Variants in PRKCE observed in about 807,000 individuals in gnomAD.
The protein encoded by PRKCE is protein kinase C epsilon type.
Under a neutral mutation model 85.4 loss-of-function variants are expected in PRKCE, and 16 were observed. That is an observed-to-expected ratio of 0.19 (90% CI 0.13 to 0.28). The LOEUF (loss-of-function observed/expected upper bound fraction) is 0.28, where lower values mean the gene tolerates loss of function less well. PRKCE is among the 10% of genes least tolerant of loss of function. PRKCE has a pLI of 1.00. For missense variants in PRKCE, 573 were observed against 975.2 expected (o/e 0.59, Z 5.49); for synonymous variants, 388 against 371.5 (o/e 1.04, Z -0.51).
intron 2 of PRKCE, among the ~76,000 whole-genome samples, chr2:45,940,308 G>A (rs1159206092): frequency 6.6e-6 from 1 of 152,188 alleles, no homozygotes; most frequent in Non-Finnish European, 1.5e-5. Flanking sequence ...AGTGCCCAGA[G>A]TAGGCAAGAT....
intron 2 of PRKCE, among the ~76,000 whole-genome samples, chr2:45,960,086 A>C (rs556156065): frequency 6.6e-6 from 1 of 152,316 alleles, no homozygotes; most frequent in Admixed American, 6.5e-5. Context: ...AAAAATCTTT[A>C]GACCACCTGT....
Position 46,138,781 on chromosome 2 carries a change from G to A in PRKCE, c.1593-6312G>A, listed in dbSNP as rs12992366. Among the ~76,000 whole-genome samples the A allele has an allele frequency of 0.052, 7,946 of 152,232 alleles. 278 individuals are homozygous for A. The highest frequency in any genetic ancestry group is 0.11 in the Middle Eastern group (33 of 294). ...CATAACATCTCATAGCATCTAATGC[G>A]TAGAGACCAGGGTGCTAGTAAACAT... On this transcript the variant is annotated intron_variant, in intron 11 of 14. Coordinates refer to ENST00000306156, the MANE Select transcript of PRKCE (RefSeq NM_005400.3). This position sits in a 1 kb window ranked among gnomAD's most constrained non-coding sequence, Gnocchi z 4.2.
At chr2:46,038,069 G>A (rs1227919946) in intron 10 of PRKCE, among the ~76,000 whole-genome samples, 1 of 152,192 alleles carries the variant, frequency 6.6e-6, no homozygotes, top group Non-Finnish European at 1.5e-5. Context: ...GTCCTGTCTT[G>A]CATCTGCTGA....
chr2:46,039,286 C>T (rs1558382670), intron 10 of PRKCE, among the ~76,000 whole-genome samples: 1 of 152,170 alleles, frequency 6.6e-6, no homozygotes, highest in Non-Finnish European at 1.5e-5. Context: ...TGCTTCCCAC[C>T]CAGTTTCTCT....
intron 1 of PRKCE, among the ~76,000 whole-genome samples, chr2:45,758,280 A>G (rs1441396721): frequency 2.0e-5 from 3 of 152,250 alleles, no homozygotes; most frequent in Admixed American, 6.5e-5. Context: ...CATTAAATGA[A>G]TTACTGCATG....
At chr2:45,808,642 G>T (rs1688431303) in intron 1 of PRKCE, among the ~76,000 whole-genome samples, 2 of 152,178 alleles carry the variant, frequency 1.3e-5, no homozygotes, top group African/African-American at 4.8e-5. Flanking sequence ...ACTGGGTTGG[G>T]TGGTGGGAGG....
intron 2 of PRKCE, among the ~76,000 whole-genome samples, chr2:45,933,420 A>T (rs190004440): frequency 1.5e-5 from 2 of 135,446 alleles, no homozygotes; most frequent in Non-Finnish European, 3.1e-5. Context: ...TTCACCTATG[A>T]CTTCTTCCAA....
intron 10 of PRKCE, among the ~76,000 whole-genome samples, chr2:46,033,268 G>A (rs184475677): frequency 1.2e-4 from 19 of 152,322 alleles, no homozygotes; most frequent in African/African-American, 4.1e-4. Flanking sequence ...TCTGGTAGCC[G>A]TTGCTCATCA....
chr2:46,128,839 A>G (rs1303162204), intron 11 of PRKCE, among the ~76,000 whole-genome samples: 1 of 152,202 alleles, frequency 6.6e-6, no homozygotes, highest in East Asian at 1.9e-4. Context: ...AGAGACCACC[A>G]GAGAGTGACC....
chr2:45,916,424 T>C (rs1697784022), intron 2 of PRKCE, among the ~76,000 whole-genome samples: 1 of 151,994 alleles, frequency 6.6e-6, no homozygotes, highest in African/African-American at 2.4e-5. Flanking sequence ...AAAAATTTCA[T>C]GTGTGGAGAT....
chr2:45,783,840 A>G (rs1686384504), intron 1 of PRKCE, among the ~76,000 whole-genome samples: 1 of 152,176 alleles, frequency 6.6e-6, no homozygotes, highest in African/African-American at 2.4e-5. Flanking sequence ...TTGAATCTGA[A>G]TGTGTAGTGC....
At chr2:46,006,538 A>G (rs1705215554) in intron 8 of PRKCE, among the ~76,000 whole-genome samples, 1 of 152,210 alleles carries the variant, frequency 6.6e-6, no homozygotes, top group Non-Finnish European at 1.5e-5. Context: ...CTCATGCCTA[A>G]TTCTCATTCC....
intron 2 of PRKCE, among the ~76,000 whole-genome samples, chr2:45,920,959 C>T (rs1447439024): frequency 2.0e-5 from 3 of 152,174 alleles, no homozygotes; most frequent in Non-Finnish European, 2.9e-5. Context: ...CCTGTTGCTC[C>T]CCCATTTTCA....
intron 11 of PRKCE, among the ~76,000 whole-genome samples, chr2:46,131,868 GT>G (rs1674493101): frequency 6.6e-6 from 1 of 152,150 alleles, no homozygotes; most frequent in Non-Finnish European, 1.5e-5. Flanking sequence ...CAGGTTTGAG[GT>G]TTACAGTTAC....
At chr2:46,153,611 T>C (rs1676861363) in intron 13 of PRKCE, among the ~76,000 whole-genome samples, 1 of 152,016 alleles carries the variant, frequency 6.6e-6, no homozygotes, top group Admixed American at 6.6e-5. Flanking sequence ...GAAGAGCAAG[T>C]GCACAGGCCT....
At chr2:46,044,090 A>C (rs112178838) in intron 10 of PRKCE, among the ~76,000 whole-genome samples, 1 of 152,218 alleles carries the variant, frequency 6.6e-6, no homozygotes, top group Non-Finnish European at 1.5e-5. Flanking sequence ...GTCACCAACT[A>C]TGCAAATTCA....
intron 2 of PRKCE, among the ~76,000 whole-genome samples, chr2:45,947,660 C>G (rs1391892523): frequency 6.6e-6 from 1 of 152,166 alleles, no homozygotes; most frequent in Admixed American, 6.5e-5. Context: ...TCACAGTGTG[C>G]TGTTTTCAGT....
chr2:46,033,407 T>C (rs1448741535), intron 10 of PRKCE, among the ~76,000 whole-genome samples: 2 of 152,320 alleles, frequency 1.3e-5, no homozygotes, highest in Middle Eastern at 3.4e-3. Context: ...CAGTTGACTA[T>C]TGCATTGTCC....
intron 5 of PRKCE, among the ~76,000 whole-genome samples, chr2:45,980,978 C>T (rs1363775351): frequency 4.6e-5 from 7 of 152,230 alleles, no homozygotes; most frequent in Non-Finnish European, 7.3e-5. Context: ...GTGAAATTAA[C>T]CTGCCCAAAA....
Sources: allele counts gnomAD v4.1 joint callset (sites outside exome capture counted in the v4.1 genomes callset), GRCh38; gene constraint gnomAD v4.1.1; non-coding constraint Gnocchi (gnomAD v3.1); transcripts MANE v1.5; gene names NCBI Gene and HGNC (gene_info 2026-07-23, HGNC 2026-07-21).